The following NAALAD2 variants were observed in gnomAD, a reference collection of about 807,000 sequenced individuals.
The protein encoded by NAALAD2 is N-acetylated alpha-linked acidic dipeptidase 2.
NAALAD2 carries 89 observed loss-of-function variants against 95.6 expected under a neutral mutation model. The ratio of observed to expected loss-of-function variants is 0.93; its 90% CI spans 0.78 to 1.11. The LOEUF is 1.11. Among genes scored for constraint, NAALAD2 ranks in the 50% least tolerant of loss-of-function variants. NAALAD2 has a pLI of 0.00. For synonymous variants in NAALAD2, 264 were observed against 294.4 expected, an observed-to-expected ratio of 0.90 and a Z score of 1.06; for missense variants, 894 against 872.4, an observed-to-expected ratio of 1.02 and a Z score of -0.31.
chr11:90,172,752 C>T (rs1185283982), intron 13 of NAALAD2, among the ~76,000 whole-genome samples: 1 of 152,120 alleles, frequency 6.6e-6, no homozygotes, highest in Admixed American at 6.6e-5. Context: ...CATCTCTTTT[C>T]TGAGTTCAGT....
intron 6 of NAALAD2, among the ~76,000 whole-genome samples, chr11:90,153,583 C>T (rs1951946891): frequency 6.6e-6 from 1 of 151,946 alleles, no homozygotes; most frequent in Non-Finnish European, 1.5e-5. Flanking sequence ...CAATTGCCAC[C>T]AAAAAGCCTC....
chr11:90,169,195 A>G, intron 12 of NAALAD2: 1 of 455,686 alleles, frequency 2.2e-6, no homozygotes, highest in Non-Finnish European at 3.8e-6. Context: ...ATTCATATGA[A>G]TTGATATGAT....
chr11:90,150,716 T>C, intron 5 of NAALAD2, 109 bp downstream of exon 5: 1 of 965,136 alleles, frequency 1.0e-6, no homozygotes, highest in Admixed American at 4.1e-5. Flanking sequence ...ACATTTCTTT[T>C]CTTTTTTTCT....
Position 90,158,214 on chromosome 11 carries a change from A to G in NAALAD2, c.866A>G (p.Tyr289Cys), listed in dbSNP as rs766842963. Residue 289 changes from tyrosine to cysteine, a missense_variant, in exon 7 of 19, where the codon TAT (tyrosine) becomes TGT (cysteine). Coordinates refer to ENST00000534061, the MANE Select transcript of NAALAD2 (RefSeq NM_005467.4). ...IPRIPVHPIGYNDAEILLRYL... is the reference protein window; with the variant it reads ...IPRIPVHPIGCNDAEILLRYL... Reference sequence around the variant, plus strand: ...CGAATACCTGTACATCCCATTGGATATAATGATGCAGAAATATTATTACGG... The same window carrying G: ...CGAATACCTGTACATCCCATTGGATGTAATGATGCAGAAATATTATTACGG... The G allele has an allele frequency of 1.3e-4, 202 of 1,608,746 alleles. No homozygotes were observed. Among genetic ancestry groups the G allele is most frequent in the Non-Finnish European group, 1.7e-4 (195 of 1,175,962 alleles).
chr11:90,177,592 T>TG (rs1952835738), intron 15 of NAALAD2, among the ~76,000 whole-genome samples: 1 of 41,020 alleles, frequency 2.4e-5, no homozygotes, highest in East Asian at 8.4e-4. Context: ...TCTTGTTTTT[T>TG]TTTTTTTTTT....
At chr11:90,166,343 CTTA>C (rs1952446321) in intron 11 of NAALAD2, among the ~76,000 whole-genome samples, 2 of 152,028 alleles carry the variant, frequency 1.3e-5, no homozygotes, top group Admixed American at 6.6e-5. Context: ...GCGAAAGAGT[CTTA>C]TTTTTGTCTT....
At chr11:90,140,230 G>C (rs896552457) in intron 2 of NAALAD2, among the ~76,000 whole-genome samples, 22 of 152,198 alleles carry the variant, frequency 1.4e-4, no homozygotes, top group African/African-American at 5.1e-4. Flanking sequence ...TATTACTGTA[G>C]TACACAATGT....
intron 2 of NAALAD2, among the ~76,000 whole-genome samples, chr11:90,143,888 T>C (rs369128830): frequency 1.4e-4 from 22 of 152,334 alleles, no homozygotes; most frequent in African/African-American, 5.3e-4. Context: ...TCTACCCATC[T>C]GTGCTGTTGA....
chr11:90,144,740 T>TAAAAAAAAAAAAA (rs773275468), intron 2 of NAALAD2, among the ~76,000 whole-genome samples: 1,049 of 90,122 alleles, frequency 0.012, 36 homozygotes, highest in African/African-American at 0.034. Flanking sequence ...AAAACTCCAT[T>TAAAAAAAAAAAAA]AAAAAAAAAA....
At chr11:90,177,586 G>GGTTTTTTTTTTTTTT (rs1952832778) in intron 15 of NAALAD2, among the ~76,000 whole-genome samples, 1 of 28,456 alleles carries the variant, frequency 3.5e-5, no homozygotes. Context: ...TCTTTTTCTT[G>GGTTTTTTTTTTTTTT]TTTTTTTTTT....
At chr11:90,154,445 T>C (rs963188868) in intron 6 of NAALAD2, among the ~76,000 whole-genome samples, 3 of 151,946 alleles carry the variant, frequency 2.0e-5, no homozygotes, top group Non-Finnish European at 4.4e-5. Flanking sequence ...ATGATGTTTT[T>C]AATGTTAATC....
intron 2 of NAALAD2, among the ~76,000 whole-genome samples, chr11:90,144,468 C>T (rs532549429): frequency 9.2e-5 from 14 of 151,992 alleles, no homozygotes; most frequent in South Asian, 2.1e-4. Context: ...TGGCTGGGCA[C>T]GTTGGCTCAT....
At chr11:90,188,916 A>C (rs768004768) in intron 18 of NAALAD2, among the ~76,000 whole-genome samples, 2 of 152,088 alleles carry the variant, frequency 1.3e-5, no homozygotes, top group Admixed American at 6.6e-5. Context: ...AAAGATCTCT[A>C]TTTTCTAACC....
At chr11:90,172,071 T>G (rs12417652) in intron 13 of NAALAD2, among the ~76,000 whole-genome samples, 20,955 of 152,198 alleles carry the variant, frequency 0.14, 2,120 homozygotes, top group Admixed American at 0.31. Context: ...GGCACTATTA[T>G]GGAGACAGTA....
At chr11:90,179,107 A>G (rs1216574102) in intron 16 of NAALAD2, among the ~76,000 whole-genome samples, 1 of 152,220 alleles carries the variant, frequency 6.6e-6, no homozygotes, top group East Asian at 1.9e-4. Flanking sequence ...TTCAAAGATC[A>G]TTGTGGAGAT....
At chr11:90,138,003 G>C (rs1255351713) in intron 2 of NAALAD2, among the ~76,000 whole-genome samples, 1 of 151,664 alleles carries the variant, frequency 6.6e-6, no homozygotes, top group Non-Finnish European at 1.5e-5. Context: ...GTGGGCATAG[G>C]GTGCTGACCC....
intron 18 of NAALAD2, among the ~76,000 whole-genome samples, chr11:90,184,903 C>A (rs1321170421): frequency 1.3e-5 from 2 of 151,974 alleles, no homozygotes; most frequent in East Asian, 3.9e-4. Flanking sequence ...GATTTACAGA[C>A]CTTTTTTGGG....
chr11:90,151,806 A>G (rs1335744342), intron 5 of NAALAD2, among the ~76,000 whole-genome samples: 1 of 152,134 alleles, frequency 6.6e-6, no homozygotes, highest in Admixed American at 6.5e-5. Context: ...GTTTTTCACA[A>G]ATATGACTGC....
At chr11:90,170,643 A>G (rs1258858169) in intron 13 of NAALAD2, among the ~76,000 whole-genome samples, 3 of 152,182 alleles carry the variant, frequency 2.0e-5, no homozygotes, top group East Asian at 1.9e-4. Flanking sequence ...ATTTGATACT[A>G]TGTATGATGG....
Sources: gnomAD v4.1 joint callset for allele counts (sites outside exome capture counted in the v4.1 genomes callset) on GRCh38, gnomAD v4.1.1 for gene constraint, MANE v1.5 for transcripts, NCBI Gene and HGNC (gene_info 2026-07-23, HGNC 2026-07-21) for gene names.